CPED1: variants seen among roughly 807,000 people sequenced by gnomAD.
CPED1 encodes cadherin-like and PC-esterase domain-containing protein 1.
Under a neutral mutation model 128.2 loss-of-function variants are expected in CPED1, and 114 were observed. The ratio of observed to expected loss-of-function variants is 0.89; its 90% CI spans 0.76 to 1.04. CPED1 has a LOEUF of 1.04. Among genes scored for constraint, CPED1 ranks in the 50% least tolerant of loss-of-function variants. CPED1 has a pLI of 0.00. For synonymous variants in CPED1, 462 were observed against 426.7 expected, an observed-to-expected ratio of 1.08 and a Z score of -1.02; for missense variants, 1,211 against 1,207.1, an observed-to-expected ratio of 1.00 and a Z score of -0.05.
rs1413875113 is a variant in CPED1 at position 120,997,936 on chromosome 7, AT to A, written c.249+8067del. Among the ~76,000 whole-genome samples the A allele has an allele frequency of 1.1e-3, 131 of 122,988 alleles. 3 individuals are homozygous for A. Among genetic ancestry groups the A allele is most frequent in the African/African-American group, 4.8e-3 (123 of 25,826 alleles). 80.7% of individuals were successfully genotyped at this position (122,988 alleles called of 152,430 possible). ...AAACTCGGTCTCGAAAAAAAATAAAATAAAATAAAATAAAATAAAATAAAAT... is the reference window on the plus strand; with the variant it reads ...AAACTCGGTCTCGAAAAAAAATAAAAAAAATAAAATAAAATAAAATAAAAT... On this transcript the variant is annotated intron_variant, in intron 2 of 22. Transcript: ENST00000310396.
intron 16 of CPED1, among the ~76,000 whole-genome samples, chr7:121,188,595 A>T (rs1678784386): frequency 1.3e-5 from 2 of 152,152 alleles, no homozygotes; most frequent in African/African-American, 4.8e-5. Flanking sequence ...GAGAAAAACT[A>T]AAAGATTCCA....
chr7:121,194,048 A>ATATT (rs1396095392), intron 16 of CPED1, among the ~76,000 whole-genome samples: 15 of 47,456 alleles, frequency 3.2e-4, no homozygotes, highest in East Asian at 2.2e-3. Flanking sequence ...ATATATATAT[A>ATATT]TTTTTTTTTT....
intron 16 of CPED1, among the ~76,000 whole-genome samples, chr7:121,195,894 G>A (rs952962083): frequency 1.3e-5 from 2 of 152,000 alleles, no homozygotes; most frequent in African/African-American, 4.8e-5. Context: ...GAGAAATAGG[G>A]GTTTTCTTGA....
At chr7:121,065,364 C>G (rs1793804519) in intron 5 of CPED1, among the ~76,000 whole-genome samples, 1 of 151,924 alleles carries the variant, frequency 6.6e-6, no homozygotes, top group South Asian at 2.1e-4. Context: ...TTTGTAAACT[C>G]TAGCTGGAGA....
intron 22 of CPED1, among the ~76,000 whole-genome samples, chr7:121,283,600 C>T (rs568660923): frequency 1.3e-5 from 2 of 152,312 alleles, no homozygotes; most frequent in African/African-American, 4.8e-5. Flanking sequence ...CTCTGTTCCT[C>T]ATCTGCTCAT....
chr7:121,144,523 G>A (rs895773316), intron 16 of CPED1, among the ~76,000 whole-genome samples: 6 of 152,028 alleles, frequency 3.9e-5, no homozygotes, highest in Non-Finnish European at 8.8e-5. Context: ...GTTAACCATA[G>A]TCTGAGTAGG....
intron 22 of CPED1, among the ~76,000 whole-genome samples, chr7:121,279,059 A>T (rs1792384411): frequency 6.6e-6 from 1 of 152,122 alleles, no homozygotes; most frequent in African/African-American, 2.4e-5. Context: ...CATTTCCTAC[A>T]TTAAGGTTTA....
chr7:121,061,351 GA>G (rs10712190), intron 4 of CPED1: 10,181 of 243,162 alleles, frequency 0.042, 552 homozygotes, highest in African/African-American at 0.15. Flanking sequence ...TGCTAAATAA[GA>G]AAAATGTCTG....
At chr7:121,243,771 A>T (rs1295330304) in intron 17 of CPED1, among the ~76,000 whole-genome samples, 2 of 152,206 alleles carry the variant, frequency 1.3e-5, no homozygotes, top group East Asian at 3.8e-4. Context: ...ATCCCTTGAG[A>T]GCAGGGAATA....
chr7:121,073,406 G>A (rs1236285376), intron 5 of CPED1, among the ~76,000 whole-genome samples: 57 of 152,210 alleles, frequency 3.7e-4, no homozygotes, highest in Non-Finnish European at 1.5e-4. Context: ...GGAAAAGGAG[G>A]CAGAGGCAGG....
intron 16 of CPED1, among the ~76,000 whole-genome samples, chr7:121,192,905 T>C (rs1053934433): frequency 1.3e-5 from 2 of 152,280 alleles, no homozygotes; most frequent in East Asian, 1.9e-4. Context: ...CCCACTGACT[T>C]TCTGACAATT....
chr7:121,070,765 ATTC>A (rs1793966272), intron 5 of CPED1, among the ~76,000 whole-genome samples: 1 of 152,092 alleles, frequency 6.6e-6, no homozygotes, highest in South Asian at 2.1e-4. Flanking sequence ...AGTCTCTCAT[ATTC>A]TTCTCACTTC....
At chr7:121,236,299 C>G (rs1213077332) in intron 16 of CPED1, among the ~76,000 whole-genome samples, 2 of 152,104 alleles carry the variant, frequency 1.3e-5, no homozygotes, top group South Asian at 2.1e-4. Flanking sequence ...TCTGGTGTAT[C>G]ATGAATTCTT....
At chr7:121,224,300 T>G (rs954007546) in intron 16 of CPED1, among the ~76,000 whole-genome samples, 2 of 152,218 alleles carry the variant, frequency 1.3e-5, no homozygotes, top group African/African-American at 4.8e-5. Flanking sequence ...GAGTTCTAAC[T>G]TGATTGCACT....
chr7:121,277,265 AGAT>A (rs1319587187), intron 22 of CPED1, among the ~76,000 whole-genome samples: 3 of 152,126 alleles, frequency 2.0e-5, no homozygotes, highest in Non-Finnish European at 2.9e-5. Context: ...TATTAGGAAA[AGAT>A]GATGAGTTCA....
intron 6 of CPED1, among the ~76,000 whole-genome samples, 170 bp from the exon 7 acceptor site, chr7:121,099,756 C>A (rs185697550): frequency 6.6e-6 from 1 of 152,280 alleles, no homozygotes; most frequent in Admixed American, 6.5e-5. Context: ...ACCTCTCCAC[C>A]ACCTGGTGGT....
intron 5 of CPED1, among the ~76,000 whole-genome samples, chr7:121,093,666 A>G (rs1279196702): frequency 1.3e-5 from 2 of 152,142 alleles, no homozygotes; most frequent in African/African-American, 2.4e-5. Context: ...ATTTGTTGCC[A>G]GGCTCCTTCC....
At chr7:121,163,258 A>G (rs1796451383) in intron 16 of CPED1, among the ~76,000 whole-genome samples, 2 of 152,310 alleles carry the variant, frequency 1.3e-5, no homozygotes, top group Middle Eastern at 6.8e-3. Flanking sequence ...TCCCCACAAC[A>G]TTCTATTACA....
At chr7:121,063,726 A>G (rs999454902) in intron 4 of CPED1, among the ~76,000 whole-genome samples, 2 of 152,154 alleles carry the variant, frequency 1.3e-5, no homozygotes, top group African/African-American at 2.4e-5. Context: ...ATCTTTTATA[A>G]TCTTTTCAAA....
Sources: gnomAD v4.1 joint callset for allele counts (sites outside exome capture counted in the v4.1 genomes callset) on GRCh38, gnomAD v4.1.1 for gene constraint, MANE v1.5 for transcripts, NCBI Gene and HGNC (gene_info 2026-07-23, HGNC 2026-07-21) for gene names.